The following CTH variants were observed in gnomAD, a reference collection of about 807,000 sequenced individuals.
The protein encoded by CTH is cystathionine gamma-lyase, also known as cystathionase (cystathionine gamma-lyase).
In CTH, 41 loss-of-function variants were observed where a neutral mutation model predicts 50.6. The observed-to-expected ratio is 0.81, with a 90% CI of 0.63 to 1.05. CTH has a LOEUF of 1.05. Among genes scored for constraint, CTH ranks in the 50% least tolerant of loss-of-function variants. CTH has a pLI of 0.00. For synonymous variants in CTH, 156 were observed against 168.9 expected (o/e 0.92, Z 0.59); for missense variants, 470 against 492.6 (o/e 0.95, Z 0.43).
At chr1:70,416,477 C>T (rs578011649) in intron 2 of CTH, among the ~76,000 whole-genome samples, 1 of 152,112 alleles carries the variant, frequency 6.6e-6, no homozygotes, top group South Asian at 2.1e-4. Flanking sequence ...ATTGCAACCT[C>T]CTCCTCCAGG....
At chr1:70,437,811 G>A (rs2101763055) in intron 10 of CTH, among the ~76,000 whole-genome samples, 1 of 152,290 alleles carries the variant, frequency 6.6e-6, no homozygotes, top group South Asian at 2.1e-4. Flanking sequence ...TTTGCTGGTG[G>A]TGTGCAGGGA....
intron 5 of CTH, among the ~76,000 whole-genome samples, chr1:70,427,752 G>A (rs933511685): frequency 1.4e-4 from 22 of 152,094 alleles, no homozygotes; most frequent in Admixed American, 1.0e-3. Flanking sequence ...TTGCTCTGTC[G>A]CCCAGGCTGG....
chr1:70,422,493 A>G (rs1684246693), intron 4 of CTH, among the ~76,000 whole-genome samples: 1 of 152,204 alleles, frequency 6.6e-6, no homozygotes, highest in African/African-American at 2.4e-5. Context: ...TCATGTACAA[A>G]TAATTACTTT....
intron 9 of CTH, 186 bp from the exon 10 acceptor site, chr1:70,434,939 G>A (rs12134794): frequency 2.4e-6 from 1 of 410,490 alleles, no homozygotes. Context: ...TTTTAGTAGA[G>A]ATGGGGTTTC....
chr1:70,428,945 A>T (rs752253567), intron 5 of CTH, among the ~76,000 whole-genome samples: 2 of 150,670 alleles, frequency 1.3e-5, no homozygotes, highest in Non-Finnish European at 3.0e-5. Flanking sequence ...TTTTAAGATA[A>T]AGTCTTGCTC....
chr1:70,416,252 T>C (rs2101729431), intron 2 of CTH, among the ~76,000 whole-genome samples: 1 of 152,280 alleles, frequency 6.6e-6, no homozygotes, highest in South Asian at 2.1e-4. Context: ...GACAAATGAA[T>C]AAAGGAAAAA....
At chr1:70,421,798 T>C (rs1684228174) in intron 4 of CTH, 123 bp downstream of exon 4, 2 of 984,108 alleles carry the variant, frequency 2.0e-6, no homozygotes, top group South Asian at 2.8e-5. Flanking sequence ...ATTGGAAACA[T>C]CAACAAAATT....
chr1:70,426,907 C>T (rs371336944), intron 5 of CTH, among the ~76,000 whole-genome samples: 1 of 152,160 alleles, frequency 6.6e-6, no homozygotes, highest in Admixed American at 6.5e-5. Context: ...TGGACCTGCC[C>T]GGGTTACTCA....
chr1:70,411,700 A>C (rs1053678167), intron 1 of CTH, 117 bp downstream of exon 1: 176 of 1,467,580 alleles, frequency 1.2e-4, no homozygotes, highest in Middle Eastern at 5.0e-4. Flanking sequence ...AAGGCAACCG[A>C]AAGATGTTTC....
intron 1 of CTH, among the ~76,000 whole-genome samples, chr1:70,415,605 G>A (rs1258590483): frequency 3.9e-5 from 6 of 152,188 alleles, no homozygotes; most frequent in Non-Finnish European, 5.9e-5. Context: ...CAGGAAACAT[G>A]TAGTGAATTT....
intron 1 of CTH, among the ~76,000 whole-genome samples, chr1:70,415,589 A>G (rs1338456409): frequency 6.6e-6 from 1 of 152,246 alleles, no homozygotes; most frequent in Non-Finnish European, 1.5e-5. Context: ...AGTGATTAGC[A>G]TGTGCCAGGA....
intron 10 of CTH, 106 bp from the exon 11 acceptor site, chr1:70,438,582 A>G (rs1684647836): frequency 8.6e-6 from 11 of 1,282,290 alleles, no homozygotes; most frequent in Non-Finnish European, 1.2e-5. Context: ...GCAAAATTTG[A>G]TATTTGGACC....
At chr1:70,427,858 T>G (rs776045472) in intron 5 of CTH, among the ~76,000 whole-genome samples, 11 of 151,866 alleles carry the variant, frequency 7.2e-5, no homozygotes, top group Non-Finnish European at 1.5e-4. Context: ...GATTACAGGT[T>G]TCCACCACCA....
intron 3 of CTH, among the ~76,000 whole-genome samples, chr1:70,419,509 C>T (rs537016840): frequency 2.2e-4 from 34 of 152,198 alleles, no homozygotes; most frequent in Middle Eastern, 3.4e-3. Context: ...TTTTAATGAT[C>T]GCCATTCTAA....
At chr1:70,427,561 C>T (rs1684370743) in intron 5 of CTH, among the ~76,000 whole-genome samples, 1 of 152,140 alleles carries the variant, frequency 6.6e-6, no homozygotes, top group African/African-American at 2.4e-5. Flanking sequence ...TACTTTGACC[C>T]CATCCCTTTA....
At chr1:70,423,500 G>T (rs1166630791) in intron 4 of CTH, among the ~76,000 whole-genome samples, 1 of 152,000 alleles carries the variant, frequency 6.6e-6, no homozygotes, top group African/African-American at 2.4e-5. Flanking sequence ...GGGCCTGAAA[G>T]GTCGAAGCTG....
At chr1:70,420,366 C>A (rs1295548337) in intron 3 of CTH, among the ~76,000 whole-genome samples, 1 of 152,106 alleles carries the variant, frequency 6.6e-6, no homozygotes, top group Admixed American at 6.6e-5. Context: ...TGTTCCACCT[C>A]AGATCATCAG....
Position 70,412,961 on chromosome 1 carries a change from G to A in CTH, c.168+1378G>A, listed in dbSNP as rs80321272. Reference sequence around the variant, plus strand: ...TACATGAATGATCTGTAAAGCCTACGAAGGAGCCCTCTTTGTTAATCACAT... The same window carrying A: ...TACATGAATGATCTGTAAAGCCTACAAAGGAGCCCTCTTTGTTAATCACAT... On this transcript the variant is annotated intron_variant, in intron 1 of 11. Transcript: ENST00000370938. Among the ~76,000 whole-genome samples, 513 of 152,250 alleles carry A rather than the reference G, an allele frequency of 3.4e-3. 6 individuals are homozygous for A. The highest frequency in any genetic ancestry group is 0.024 in the East Asian group (123 of 5,182).
chr1:70,414,474 A>T (rs2101726870), intron 1 of CTH, among the ~76,000 whole-genome samples: 1 of 152,042 alleles, frequency 6.6e-6, no homozygotes, highest in African/African-American at 2.4e-5. Context: ...CCAGCCTGGC[A>T]ACAGAGCGAG....
Sources: allele counts gnomAD v4.1 joint callset (sites outside exome capture counted in the v4.1 genomes callset), GRCh38; gene constraint gnomAD v4.1.1; transcripts MANE v1.5; gene names NCBI Gene and HGNC (gene_info 2026-07-23, HGNC 2026-07-21).